Variants in ZNF37A observed in about 807,000 individuals in gnomAD.
ZNF37A encodes zinc finger protein 37A.
In ZNF37A, 10 loss-of-function variants were observed where a neutral mutation model predicts 12.3. The ratio of observed to expected loss-of-function variants is 0.82; its 90% CI spans 0.50 to 1.38. The LOEUF is 1.38. Ranked by LOEUF, ZNF37A falls within the 40% of genes most tolerant of loss-of-function variation. ZNF37A has a pLI of 0.00. For synonymous variants in ZNF37A, 207 were observed against 223.0 expected (o/e 0.93, Z 0.64); for missense variants, 580 against 651.2 (o/e 0.89, Z 1.19).
At chr10:38,134,898 A>G (rs1281541464) in intron 7 of ZNF37A, among the ~76,000 whole-genome samples, 2 of 152,212 alleles carry the variant, frequency 1.3e-5, no homozygotes, top group East Asian at 3.9e-4. Context: ...GATATGCGTT[A>G]TAAGTTTTTG....
intron 5 of ZNF37A, among the ~76,000 whole-genome samples, chr10:38,112,747 T>TG (rs1564931911): frequency 0.088 from 5,837 of 66,280 alleles, 1,298 homozygotes; most frequent in African/African-American, 0.14. Context: ...TTTCTTTTCT[T>TG]TTCTTTTCTT....
At chr10:38,132,244 A>G (rs2070037781) in intron 7 of ZNF37A, among the ~76,000 whole-genome samples, 1 of 152,126 alleles carries the variant, frequency 6.6e-6, no homozygotes, top group Admixed American at 6.5e-5. Context: ...GGTCTTTCAT[A>G]AATACCCTTG....
At chr10:38,096,337 C>T (rs2067152991) in intron 4 of ZNF37A, among the ~76,000 whole-genome samples, 1 of 152,146 alleles carries the variant, frequency 6.6e-6, no homozygotes, top group Admixed American at 6.5e-5. Context: ...TCCTAACTTG[C>T]TTAATTAGTT....
intron 7 of ZNF37A, chr10:38,138,444 T>C (rs1340945313): frequency 1.3e-5 from 2 of 152,244 alleles, no homozygotes; most frequent in African/African-American, 4.8e-5. Context: ...GGAAATGTCA[T>C]TGACTGCCTG....
chr10:38,097,578 T>C (rs2472180), intron 5 of ZNF37A, among the ~76,000 whole-genome samples: 47,376 of 109,748 alleles, frequency 0.43, 9,638 homozygotes, highest in East Asian at 0.5. Context: ...AGTGAGACTC[T>C]GTCTCAAAAA....
intron 7 of ZNF37A, chr10:38,142,839 C>CAA (rs1230092530): frequency 6.6e-6 from 1 of 152,174 alleles, no homozygotes; most frequent in Non-Finnish European, 1.5e-5. Context: ...ATTTCTCCTT[C>CAA]TCACTTTACA....
chr10:38,142,088 TG>T (rs2070191719), intron 7 of ZNF37A: 1 of 151,810 alleles, frequency 6.6e-6, no homozygotes, highest in Non-Finnish European at 1.5e-5. Flanking sequence ...CCAGCCTGGG[TG>T]AGAGAAAAAT....
exon 8 of ZNF37A, chr10:38,148,616 T>C (rs2070284916): frequency 6.6e-6 from 1 of 152,218 alleles, no homozygotes; most frequent in Admixed American, 6.5e-5. Flanking sequence ...GCTTGTGTTT[T>C]ACTGAGAGGG....
At chr10:38,107,606 G>C (rs1012060715) in intron 5 of ZNF37A, among the ~76,000 whole-genome samples, 2 of 152,190 alleles carry the variant, frequency 1.3e-5, no homozygotes, top group Non-Finnish European at 2.9e-5. Flanking sequence ...GTATTCAGGA[G>C]ACCCATCTCA....
chr10:38,134,520 C>A (rs1239215512), intron 7 of ZNF37A, among the ~76,000 whole-genome samples: 12 of 152,204 alleles, frequency 7.9e-5, no homozygotes, highest in Non-Finnish European at 1.3e-4. Context: ...ACAGTCAGGA[C>A]CCTCAGCTGC....
chr10:38,112,147 T>TG (rs1564930884), intron 5 of ZNF37A, among the ~76,000 whole-genome samples: 1 of 146,494 alleles, frequency 6.8e-6, no homozygotes, highest in East Asian at 2.0e-4. Context: ...AAAAAAAAAC[T>TG]AAAAAAAAAC....
chr10:38,107,589 G>T (rs1355785850), intron 5 of ZNF37A, among the ~76,000 whole-genome samples: 1 of 152,204 alleles, frequency 6.6e-6, no homozygotes, highest in Non-Finnish European at 1.5e-5. Context: ...ACATCCATCA[G>T]TGTGCTGTAT....
intron 6 of ZNF37A, 94 bp downstream of exon 6, chr10:38,114,975 T>A: frequency 6.8e-7 from 1 of 1,481,304 alleles, no homozygotes; most frequent in Non-Finnish European, 9.1e-7. Context: ...ATAATAATAT[T>A]TAGGTTTGAG....
intron 7 of ZNF37A, chr10:38,142,872 A>G (rs2070202678): frequency 6.6e-6 from 1 of 152,234 alleles, no homozygotes; most frequent in South Asian, 2.1e-4. Flanking sequence ...TGCATGAAGA[A>G]CTATATCAGA....
In ZNF37A at chr10:38,124,218, C is replaced by T. The variant is rs117045032; in HGVS notation, c.*5381C>T. The T allele has an allele frequency of 0.045, 6,440 of 141,944 alleles. 191 individuals are homozygous for T. The highest frequency in any genetic ancestry group is 0.063 in the Non-Finnish European group (4,108 of 65,200). The allele number at this position is 141,944 out of a possible 1,614,324, so 8.8% of individuals were successfully genotyped here. On this transcript the variant is annotated 3_prime_UTR_variant, in exon 8 of 8. Transcript: ENST00000685332. ...ACTAGAGATCATTAAGTGAAATAAG[C>T]CAGGCACAGCAAGACAGACATCATG...
downstream of ZNF37A, among the ~76,000 whole-genome samples, chr10:38,128,058 A>G (rs1564384681): frequency 6.6e-6 from 1 of 152,126 alleles, no homozygotes; most frequent in Non-Finnish European, 1.5e-5. Flanking sequence ...TTGGTTAATG[A>G]GTGGGGAAAA....
intron 5 of ZNF37A, among the ~76,000 whole-genome samples, chr10:38,105,781 A>T (rs1359298764): frequency 6.6e-6 from 1 of 152,160 alleles, no homozygotes; most frequent in Non-Finnish European, 1.5e-5. Flanking sequence ...TTATTTTCTG[A>T]ATTTCCTTTT....
Position 38,094,997 on chromosome 10 carries a change from A to T in ZNF37A, c.-425A>T, listed in dbSNP as rs911602541. ...AGTCATCGTGGCTGTGGATTGGGGA[A>T]TTTCTTGTTTCCACTGACCTGTGAG... On this transcript the variant is annotated 5_prime_UTR_variant, in exon 2 of 8. Transcript: ENST00000685332. The T allele has an allele frequency of 6.6e-6, 1 of 152,422 alleles. No homozygotes were observed. The highest frequency in any genetic ancestry group is 2.1e-4 in the South Asian group (1 of 4,836). 9.4% of individuals were successfully genotyped at this position (152,422 alleles called of 1,614,324 possible).
chr10:38,094,610 C>G (rs2066994368), intron 1 of ZNF37A, 120 bp downstream of exon 1: 1 of 152,382 alleles, frequency 6.6e-6, no homozygotes. Flanking sequence ...TTCTTGTGCT[C>G]CCAAAGGGAA....
Sources: gnomAD v4.1 joint callset for allele counts (sites outside exome capture counted in the v4.1 genomes callset) on GRCh38, gnomAD v4.1.1 for gene constraint, MANE v1.5 for transcripts, NCBI Gene and HGNC (gene_info 2026-07-23, HGNC 2026-07-21) for gene names.